SGCZ: variants seen among roughly 807,000 people sequenced by gnomAD.
SGCZ encodes sarcoglycan zeta.
SGCZ carries 40 observed loss-of-function variants against 41.3 expected under a neutral mutation model. That is an observed-to-expected ratio of 0.97 (90% confidence interval 0.75 to 1.26). The LOEUF is 1.26. Among genes scored for constraint, SGCZ ranks in the 50% most tolerant of loss-of-function variants. The pLI, the probability that SGCZ is intolerant of heterozygous loss-of-function variation, is 0.00. For missense variants in SGCZ, 552 were observed against 369.8 expected, an observed-to-expected ratio of 1.49 and a Z score of -4.04; for synonymous variants, 206 against 137.5, an observed-to-expected ratio of 1.50 and a Z score of -3.49.
rs1323739347 is a variant in SGCZ at position 14,554,834 on chromosome 8, C to A, written c.132G>T (p.Trp44Cys). Residue 44 changes from tryptophan to cysteine, a missense_variant, in exon 2 of 8, where the codon TGG (tryptophan) becomes TGT (cysteine). By Grantham distance (215) the Trp-to-Cys change is radical. Coordinates refer to ENST00000382080, the MANE Select transcript of SGCZ (RefSeq NM_139167.4). ...AQLYPVGIYG[W>C]RKRCLYFFVL... The stretch of plus-strand genomic sequence containing the variant: ...CAAAGAAGTATAAGCACCTCTTTCG[C>A]CATCCATAAATTCCCACTGGGTAAA... The A allele has an allele frequency of 1.2e-6, 2 of 1,613,222 alleles. No individual in the cohort carries two copies. Among genetic ancestry groups the A allele is most frequent in the Admixed American group, 3.3e-5 (2 of 59,890 alleles).
At chr8:15,185,751 A>T (rs115254257) in intron 1 of SGCZ, among the ~76,000 whole-genome samples, 16 of 152,308 alleles carry the variant, frequency 1.1e-4, no homozygotes, top group African/African-American at 3.6e-4. Flanking sequence ...AGAGTTATTT[A>T]TGATAAGATG....
At chr8:14,112,738 G>A (rs932028854) in intron 5 of SGCZ, among the ~76,000 whole-genome samples, 2 of 152,010 alleles carry the variant, frequency 1.3e-5, no homozygotes, top group African/African-American at 4.8e-5. Flanking sequence ...ACCAGATCAT[G>A]AATAACATGA....
chr8:14,431,122 A>G (rs1799931212), intron 2 of SGCZ, among the ~76,000 whole-genome samples: 1 of 152,184 alleles, frequency 6.6e-6, no homozygotes, highest in African/African-American at 2.4e-5. Context: ...ATCAAAAGCA[A>G]TCTACAAATT....
chr8:14,577,899 T>C (rs891191999), intron 1 of SGCZ, among the ~76,000 whole-genome samples: 1 of 152,232 alleles, frequency 6.6e-6, no homozygotes, highest in Admixed American at 6.5e-5. Context: ...TAAACACTTA[T>C]TTAATAAATG....
intron 2 of SGCZ, among the ~76,000 whole-genome samples, chr8:14,532,973 C>T (rs1399321237): frequency 6.6e-6 from 1 of 151,888 alleles, no homozygotes; most frequent in African/African-American, 2.4e-5. Context: ...ATTTTTCCCT[C>T]TACAATCAAA....
At chr8:15,146,188 T>A (rs1477005031) in intron 1 of SGCZ, among the ~76,000 whole-genome samples, 1 of 151,882 alleles carries the variant, frequency 6.6e-6, no homozygotes, top group Non-Finnish European at 1.5e-5. Context: ...GAAAAAGTCA[T>A]ACAAAAAAAA....
chr8:14,360,110 A>C (rs114457834), intron 2 of SGCZ, among the ~76,000 whole-genome samples: 21 of 152,300 alleles, frequency 1.4e-4, no homozygotes, highest in African/African-American at 4.3e-4. Context: ...AGAAACATGC[A>C]TCAACATAAT....
intron 3 of SGCZ, among the ~76,000 whole-genome samples, chr8:14,247,555 C>T (rs938698313): frequency 6.6e-6 from 1 of 152,232 alleles, no homozygotes; most frequent in Admixed American, 6.5e-5. Flanking sequence ...CTATCTCTAT[C>T]TAAAGTAACA....
chr8:14,313,871 T>C (rs1228770709), intron 3 of SGCZ, among the ~76,000 whole-genome samples: 2 of 151,846 alleles, frequency 1.3e-5, no homozygotes, highest in African/African-American at 4.8e-5. Context: ...CTCTCATCTT[T>C]CTTGGGGAAA....
In SGCZ at chr8:15,109,194, C is replaced by A. The variant is rs761700623; in HGVS notation, c.39+128391G>T. 3.7e-4 allele frequency among the ~76,000 whole-genome samples: 57 copies of A among 152,076 alleles called. 1 individual carries two copies. Among genetic ancestry groups the A allele is most frequent in the Admixed American group, 1.7e-3 (26 of 15,266 alleles). ...ATGATGGAGATCATTCTGCAGAAACCACAGCAAAGAAGACAATGCCTTCTC... is the reference window on the plus strand; with the variant it reads ...ATGATGGAGATCATTCTGCAGAAACAACAGCAAAGAAGACAATGCCTTCTC... On this transcript the variant is annotated intron_variant, in intron 1 of 7. Transcript: ENST00000382080.
Position 14,170,769 on chromosome 8 carries a change from A to C in SGCZ, c.425-6067T>G, listed in dbSNP as rs115751400. On this transcript the variant is annotated intron_variant, in intron 4 of 7. Transcript: ENST00000382080. ...ATTTTTTACACCTCATAGTCATTCA[A>C]ATAGGTACACGTCCTTTTTGACTCG... 5.5e-3 allele frequency among the ~76,000 whole-genome samples: 841 copies of C among 152,268 alleles called. 14 individuals carry two copies. Among genetic ancestry groups the C allele is most frequent in the African/African-American group, 0.02 (811 of 41,566 alleles).
At chr8:14,526,223 G>A (rs1190321658) in intron 2 of SGCZ, among the ~76,000 whole-genome samples, 1 of 152,026 alleles carries the variant, frequency 6.6e-6, no homozygotes, top group Non-Finnish European at 1.5e-5. Flanking sequence ...ATATTTGACA[G>A]CAATGTTATG....
chr8:14,308,040 G>A (rs897338489), intron 3 of SGCZ, among the ~76,000 whole-genome samples: 4 of 151,926 alleles, frequency 2.6e-5, no homozygotes, highest in Non-Finnish European at 5.9e-5. Context: ...CATACGATTC[G>A]GGGGAACAAT....
intron 1 of SGCZ, among the ~76,000 whole-genome samples, chr8:14,793,551 G>A (rs1457738270): frequency 1.3e-5 from 2 of 152,166 alleles, no homozygotes; most frequent in Admixed American, 1.3e-4. Flanking sequence ...GCTTGACAAA[G>A]CTGCTTCCTT....
chr8:14,820,820 A>G (rs528458628), intron 1 of SGCZ, among the ~76,000 whole-genome samples: 118 of 151,940 alleles, frequency 7.8e-4, no homozygotes, highest in African/African-American at 2.6e-3. Context: ...AACCTATGGA[A>G]CATAGCAAAA....
intron 1 of SGCZ, among the ~76,000 whole-genome samples, chr8:15,005,778 C>A (rs1802592034): frequency 6.6e-6 from 1 of 152,120 alleles, no homozygotes; most frequent in Non-Finnish European, 1.5e-5. Flanking sequence ...AAAGACTTAA[C>A]TAGTCTTTAT....
chr8:14,497,276 A>C (rs528463558), intron 2 of SGCZ, among the ~76,000 whole-genome samples: 25 of 152,160 alleles, frequency 1.6e-4, no homozygotes, highest in Non-Finnish European at 3.4e-4. Flanking sequence ...TGAAGCTTAT[A>C]ATCATGGAAG....
chr8:14,212,694 A>T (rs1428025712), intron 4 of SGCZ, among the ~76,000 whole-genome samples: 1 of 152,168 alleles, frequency 6.6e-6, no homozygotes, highest in Non-Finnish European at 1.5e-5. Flanking sequence ...AGAAGAAGGG[A>T]AATCACAACT....
At chr8:14,664,120 T>A (rs1807835532) in intron 1 of SGCZ, among the ~76,000 whole-genome samples, 1 of 152,194 alleles carries the variant, frequency 6.6e-6, no homozygotes, top group African/African-American at 2.4e-5. Context: ...TGGTTCCAAG[T>A]TAGTTTCCCA....
Sources: allele counts gnomAD v4.1 joint callset (sites outside exome capture counted in the v4.1 genomes callset), GRCh38; gene constraint gnomAD v4.1.1; transcripts MANE v1.5; gene names NCBI Gene and HGNC (gene_info 2026-07-23, HGNC 2026-07-21).